Variants in CREBBP observed in about 807,000 individuals in gnomAD.
CREBBP encodes the protein CREB binding lysine acetyltransferase.
A neutral mutation model predicts 265.0 loss-of-function variants in CREBBP; 19 were observed. The ratio of observed to expected loss-of-function variants is 0.07; its 90% confidence interval spans 0.05 to 0.11. CREBBP has a LOEUF of 0.11. CREBBP is among the 10% of genes least tolerant of loss of function. The pLI, the probability that CREBBP is intolerant of heterozygous loss-of-function variation, is 1.00. For synonymous variants in CREBBP, 1,457 were observed against 1,223.7 expected, an observed-to-expected ratio of 1.19 and a Z score of -3.98; for missense variants, 2,525 against 3,219.0, an observed-to-expected ratio of 0.78 and a Z score of 5.22.
Position 3,744,951 on chromosome 16 carries a change from C to T in CREBBP, c.3925G>A (p.Asp1309Asn), listed in dbSNP as rs758668926. 26 of 1,612,920 alleles carry T rather than the reference C, an allele frequency of 1.6e-5. No individual in the cohort carries two copies. Among genetic ancestry groups the T allele is most frequent in the Non-Finnish European group, 2.0e-5 (24 of 1,179,082 alleles). ...CTGCCAGTTTTCTTCAAGCAGTTGT[C>T]GCACACAAAACTGCAAAATAATAGT... ...DIIWPSGFVC[D>N]NCLKKTGRPR... The change falls in exon 23 of 31, where the codon GAC (aspartate) becomes AAC (asparagine). Residue 1309 changes from aspartate to asparagine, a missense_variant. By Grantham distance (23) the Asp-to-Asn change is conservative. Around this residue, in one of 19 missense-constraint regions of CREBBP, gnomAD observed 252 missense variants for 452.5 expected, o/e 0.56. Coordinates refer to ENST00000262367, the MANE Select transcript of CREBBP (RefSeq NM_004380.3).
At chr16:3,793,114 G>A (rs184796741) in intron 4 of CREBBP, among the ~76,000 whole-genome samples, 107 of 152,348 alleles carry the variant, frequency 7.0e-4, no homozygotes, top group African/African-American at 2.4e-3. Context: ...GACAGAGGAA[G>A]GAGGAAAAGA....
chr16:3,845,109 C>T (rs1186861522), intron 2 of CREBBP, among the ~76,000 whole-genome samples: 1 of 152,164 alleles, frequency 6.6e-6, no homozygotes, highest in East Asian at 1.9e-4. Context: ...ATTTATCTAA[C>T]ACAGTGGGGT....
chr16:3,734,039 C>G (rs1303211736), intron 28 of CREBBP, among the ~76,000 whole-genome samples: 1 of 152,106 alleles, frequency 6.6e-6, no homozygotes, highest in Non-Finnish European at 1.5e-5. Flanking sequence ...TCTGGTCTTC[C>G]CGAGCAGCAG....
intron 2 of CREBBP, among the ~76,000 whole-genome samples, chr16:3,829,056 CA>C (rs535835505): frequency 0.045 from 5,926 of 130,968 alleles, 365 homozygotes; most frequent in African/African-American, 0.15. Flanking sequence ...TTGAAAAATG[CA>C]AAAAAAAAAA....
At chr16:3,810,550 A>AC in intron 3 of CREBBP, 53 bp downstream of exon 3, 9 of 1,597,314 alleles carry the variant, frequency 5.6e-6, no homozygotes, top group Non-Finnish European at 7.7e-6. Flanking sequence ...AAAAATCCAC[A>AC]GACCACAGCA....
intron 5 of CREBBP, chr16:3,791,392 C>G: frequency 5.9e-6 from 1 of 168,340 alleles, no homozygotes; most frequent in South Asian, 1.4e-4. Flanking sequence ...GATGCAGCAG[C>G]CCTAGGGCAG....
chr16:3,759,057 C>G lies in CREBBP; in HGVS notation c.3251-85G>C, dbSNP rs902467083. The G allele has an allele frequency of 9.5e-6, 10 of 1,050,478 alleles. No individual in the cohort carries two copies. The African/African-American group carries it at 1.6e-4, about 16-fold the overall frequency. The allele number at this position is 1,050,478 out of a possible 1,614,324, so 65.1% of individuals were successfully genotyped here. On this transcript the variant is annotated intron_variant, in intron 16 of 30. Coordinates refer to ENST00000262367, the MANE Select transcript of CREBBP (RefSeq NM_004380.3). ...CACATTTAAAACGGAATCCTGGCTG[C>G]TGTGACATCCCAGCCACGATGCTCC...
chr16:3,780,323 A>G lies in CREBBP; in HGVS notation c.1823+409T>C, dbSNP rs72760819. ...GTAAGGTGATAATGACATGCCATCT[A>G]TACTCTAAACTTTTCCAATTCTGAG... On this transcript the variant is annotated intron_variant, in intron 8 of 30. Coordinates refer to ENST00000262367, the MANE Select transcript of CREBBP (RefSeq NM_004380.3). Among the ~76,000 whole-genome samples the G allele has an allele frequency of 2.6e-3, 402 of 151,854 alleles. 1 individual carries two copies. The highest frequency in any genetic ancestry group is 4.7e-3 in the Non-Finnish European group (320 of 67,984).
At chr16:3,821,053 A>G (rs962476184) in intron 2 of CREBBP, among the ~76,000 whole-genome samples, 13 of 152,330 alleles carry the variant, frequency 8.5e-5, no homozygotes, top group African/African-American at 2.9e-4. Context: ...AGGTCACTGG[A>G]GAAACTATTT....
At chr16:3,869,521 G>C (rs1465845925) in intron 1 of CREBBP, among the ~76,000 whole-genome samples, 1 of 152,138 alleles carries the variant, frequency 6.6e-6, no homozygotes, top group African/African-American at 2.4e-5. Flanking sequence ...TAGACAAAGA[G>C]GATAAGTAAA....
At position 3,782,664 on chromosome 16, in the gene CREBBP, T is replaced by G. The variant is rs746815324; in HGVS notation, c.1573+20A>C. ...TGCATGTGGACAAGTAAGAACGAAG[T>G]TGAGAGTTCCTTCACCTACCCAGGG... On this transcript the variant is annotated intron_variant, in intron 6 of 30. Transcript: ENST00000262367. 1.2e-6 allele frequency: 2 copies of G among 1,613,560 alleles called. No homozygotes were observed. Among genetic ancestry groups the G allele is most frequent in the South Asian group, 1.1e-5 (1 of 91,058 alleles).
chr16:3,825,402 CA>C (rs1244352569), intron 2 of CREBBP, among the ~76,000 whole-genome samples: 1 of 152,058 alleles, frequency 6.6e-6, no homozygotes, highest in African/African-American at 2.4e-5. Context: ...CATTCTTATC[CA>C]AAAATATGTA....
chr16:3,732,032 G>A (rs1273186287), intron 28 of CREBBP, 95 bp from the exon 29 acceptor site: 3 of 1,606,986 alleles, frequency 1.9e-6, no homozygotes, highest in African/African-American at 2.7e-5. Flanking sequence ...AGGAAGCTCA[G>A]GCCAAAGTAG....
At chr16:3,842,399 A>G (rs941535761) in intron 2 of CREBBP, among the ~76,000 whole-genome samples, 2 of 151,976 alleles carry the variant, frequency 1.3e-5, no homozygotes, top group African/African-American at 4.8e-5. Flanking sequence ...ATCCTACCTA[A>G]ATTGGTCTTT....
chr16:3,743,573 C>T (rs1455889168), intron 23 of CREBBP: 1 of 152,182 alleles, frequency 6.6e-6, no homozygotes, highest in East Asian at 1.9e-4. Context: ...AGTCACCTGT[C>T]CTGCCAGAGA....
In CREBBP at chr16:3,726,455, C is replaced by A; in HGVS notation, c.*1263G>T. 1 of 233,434 alleles carries A rather than the reference C, an allele frequency of 4.3e-6. No homozygotes were observed. Among genetic ancestry groups the A allele is most frequent in the Non-Finnish European group, 8.5e-6 (1 of 118,100 alleles). 14.5% of individuals were successfully genotyped at this position (233,434 alleles called of 1,614,324 possible). A position where few individuals can be genotyped will look rare whatever the true frequency, so the allele number is the denominator to read the frequency against. Reference sequence around the variant, plus strand: ...CACCTCAGTCTCCGGGAAGAAAAGCCTCCGGGCGGCCGCTAAGCCTGGGCC... The same window carrying A: ...CACCTCAGTCTCCGGGAAGAAAAGCATCCGGGCGGCCGCTAAGCCTGGGCC... On this transcript the variant is annotated 3_prime_UTR_variant, in exon 31 of 31. Coordinates refer to ENST00000262367, the MANE Select transcript of CREBBP (RefSeq NM_004380.3).
chr16:3,814,213 TTCTG>T (rs1237012981), intron 2 of CREBBP, among the ~76,000 whole-genome samples: 14 of 85,192 alleles, frequency 1.6e-4, no homozygotes, highest in African/African-American at 4.2e-4. Flanking sequence ...CAGAGTCTCG[TTCTG>T]TGTGTGTGTG....
chr16:3,854,356 G>A lies in CREBBP; in HGVS notation c.86-3347C>T, dbSNP rs532665655. On this transcript the variant is annotated intron_variant, in intron 1 of 30. Coordinates refer to ENST00000262367, the MANE Select transcript of CREBBP (RefSeq NM_004380.3). ...CAATCACCCTGTAGCCAGGAGAGCA[G>A]ACACCACTTGCATGCTAAGGATGGC... 2.0e-5 allele frequency among the ~76,000 whole-genome samples: 3 copies of A among 152,340 alleles called. No homozygotes were observed. The South Asian group carries it at 6.2e-4, about 32-fold the overall frequency.
rs903154225 is a variant in CREBBP at position 3,758,978 on chromosome 16, G to A, written c.3251-6C>T. 4 of 1,595,690 alleles carry A rather than the reference G, an allele frequency of 2.5e-6. No individual in the cohort carries two copies. The highest frequency in any genetic ancestry group is 3.4e-6 in the Non-Finnish European group (4 of 1,164,016). On this transcript the variant is annotated splice_region_variant and splice_polypyrimidine_tract_variant and intron_variant, in intron 16 of 30. Transcript: ENST00000262367. Reference sequence around the variant, plus strand: ...TAACTCCTCTGGTTTAAAGACTGCAGAGAAAACATCAAGAAAAGACACTTT... The same window carrying A: ...TAACTCCTCTGGTTTAAAGACTGCAAAGAAAACATCAAGAAAAGACACTTT...
Sources: allele counts gnomAD v4.1 joint callset (sites outside exome capture counted in the v4.1 genomes callset), GRCh38; gene constraint gnomAD v4.1.1; regional missense constraint gnomAD v4.1.1; transcripts MANE v1.5; gene names NCBI Gene and HGNC (gene_info 2026-07-23, HGNC 2026-07-21).